Variants in RIOK3 observed in about 807,000 individuals in gnomAD.
The protein encoded by RIOK3 is RIO kinase 3.
Under a neutral mutation model 63.5 loss-of-function variants are expected in RIOK3, and 40 were observed. The ratio of observed to expected loss-of-function variants is 0.63; its 90% CI spans 0.49 to 0.82. The LOEUF (loss-of-function observed/expected upper bound fraction) is 0.82, where lower values mean the gene tolerates loss of function less well. Ranked by LOEUF, RIOK3 falls within the 40% of genes least tolerant of loss-of-function variation. The pLI is 0.00. For synonymous variants in RIOK3, 193 were observed against 205.0 expected (o/e 0.94, Z 0.50); for missense variants, 557 against 637.0 (o/e 0.87, Z 1.35).
chr18:23,457,109 T>C (rs1037951033), intron 1 of RIOK3, among the ~76,000 whole-genome samples: 2 of 152,108 alleles, frequency 1.3e-5, no homozygotes, highest in South Asian at 2.1e-4. Context: ...TAATGTAATA[T>C]TACTATTATG....
At position 23,476,990 on chromosome 18, in the gene RIOK3, C is replaced by T. The variant is rs75709659; in HGVS notation, c.1174-16C>T. On this transcript the variant is annotated splice_polypyrimidine_tract_variant and intron_variant, in intron 9 of 12. Coordinates refer to ENST00000339486, the MANE Select transcript of RIOK3 (RefSeq NM_003831.5). The stretch of plus-strand genomic sequence containing the variant: ...TTAATTATTCATTTCCTAATGTGTG[C>T]CTTCCCTCTTCACAGTTGATGCGGC... 2.9e-3 allele frequency: 4,578 copies of T among 1,605,394 alleles called. 121 individuals carry two copies. The African/African-American group carries it at 0.054, about 19-fold the overall frequency.
Position 23,477,227 on chromosome 18 carries a change from G to A in RIOK3, c.1303G>A (p.Gly435Ser), listed in dbSNP as rs749379172. The A allele has an allele frequency of 1.2e-5, 19 of 1,614,010 alleles. No homozygotes were observed. The highest frequency in any genetic ancestry group is 1.6e-4 in the Middle Eastern group (1 of 6,084). Residue 435 changes from glycine (G) to serine (S), a missense_variant, in exon 11 of 13, where the codon GGC (glycine) becomes AGC (serine). This residue lies in a region of RIOK3 where 309 missense variants were observed against 338.7 expected (regional missense o/e 0.91). Transcript: ENST00000339486. ...GTCAGTAGAACCTACCCACCCTCAC[G>A]GCCTGGAGTTCTTGTTCCGGGACTG... Reference protein sequence around the residue: ...SQSVEPTHPHGLEFLFRDCRN... With the variant: ...SQSVEPTHPHSLEFLFRDCRN...
intron 11 of RIOK3, among the ~76,000 whole-genome samples, chr18:23,477,670 G>A (rs112154606): frequency 5.3e-5 from 8 of 151,794 alleles, no homozygotes; most frequent in Admixed American, 5.3e-4. Flanking sequence ...GGCTGAGGCA[G>A]GAGACTCACT....
chr18:23,463,298 A>G, intron 2 of RIOK3: 1 of 391,126 alleles, frequency 2.6e-6, no homozygotes, highest in South Asian at 5.2e-5. Context: ...TATCGCGTTA[A>G]TGCTGCAGTT....
intron 9 of RIOK3, among the ~76,000 whole-genome samples, chr18:23,476,738 C>A (rs138304400): frequency 6.6e-6 from 1 of 152,106 alleles, no homozygotes; most frequent in East Asian, 1.9e-4. Context: ...GAAACCCCAT[C>A]TCTACTAAAA....
chr18:23,467,207 G>C (rs1190198531), intron 6 of RIOK3, among the ~76,000 whole-genome samples, 192 bp from the exon 7 acceptor site: 1 of 151,870 alleles, frequency 6.6e-6, no homozygotes, highest in African/African-American at 2.4e-5. Flanking sequence ...CCAGCTACTC[G>C]GGAGGCTGAG....
Position 23,475,028 on chromosome 18 carries a change from A to G in RIOK3, c.1094A>G (p.Asp365Gly). 4 of 1,612,950 alleles carry G rather than the reference A, an allele frequency of 2.5e-6. No individual in the cohort carries two copies. The highest frequency in any genetic ancestry group is 3.4e-6 in the Non-Finnish European group (4 of 1,178,970). ...TTAGTTATGTCTTTTATTGGCCATG[A>G]TCAAGTTCCAGCCCCTAAATTAAAA... ...HILVMSFIGH[D>G]QVPAPKLKEV... is the part of the protein sequence containing the mutation. The change falls in exon 9 of 13, where the codon GAT becomes GGT. Residue 365 changes from aspartate to glycine, a missense_variant. Physicochemically the swap from Asp to Gly is moderately conservative, Grantham distance 94 (BLOSUM62 -1). Transcript: ENST00000339486.
intron 1 of RIOK3, among the ~76,000 whole-genome samples, chr18:23,456,970 T>C (rs1020236550): frequency 6.6e-6 from 1 of 152,200 alleles, no homozygotes; most frequent in South Asian, 2.1e-4. Context: ...ATCTACTCTT[T>C]AGAAAATTTT....
In RIOK3 at chr18:23,475,098, A is replaced by G; in HGVS notation, c.1164A>G (p.Gln388=). 6.2e-7 allele frequency: 1 copy of G among 1,610,088 alleles called. No homozygotes were observed. Among genetic ancestry groups the G allele is most frequent in the East Asian group, 2.2e-5 (1 of 44,850 alleles). The part of the protein sequence containing the change: ...NSEEMKEAYY[Q]TLHLMRQLYH... ...AAGAAATGAAAGAAGCCTACTATCA[A>G]ACTCTTCATGTAAGTTGTGCTTTTA... Residue 388 remains glutamine (Q), a synonymous_variant, in exon 9 of 13, where the codon CAA becomes CAG. Coordinates refer to ENST00000339486, the MANE Select transcript of RIOK3 (RefSeq NM_003831.5).
Position 23,477,270 on chromosome 18 carries a change from T to C in RIOK3, c.1344+2T>C, listed in dbSNP as rs1309117425. 4 of 1,613,036 alleles carry C rather than the reference T, an allele frequency of 2.5e-6. No homozygotes were observed. Among genetic ancestry groups the C allele is most frequent in the Non-Finnish European group, 3.4e-6 (4 of 1,178,978 alleles). On this transcript the variant is annotated splice_donor_variant, in intron 11 of 12. Coordinates refer to ENST00000339486, the MANE Select transcript of RIOK3 (RefSeq NM_003831.5). LOFTEE classifies it high-confidence loss of function. ...CGGGACTGCAGGAATGTCTCGCAGGTAGACGTGTAAACCAATATGCCTTTT... is the reference window on the plus strand; with the variant it reads ...CGGGACTGCAGGAATGTCTCGCAGGCAGACGTGTAAACCAATATGCCTTTT...
At chr18:23,464,455 C>G in intron 4 of RIOK3, 64 bp from the exon 5 acceptor site, 3 of 1,221,596 alleles carry the variant, frequency 2.5e-6, no homozygotes, top group Non-Finnish European at 3.5e-6. Context: ...TTTCAGACAA[C>G]GTTGAATGCA....
chr18:23,464,669 G>A, intron 5 of RIOK3, 41 bp downstream of exon 5: 1 of 1,187,898 alleles, frequency 8.4e-7, no homozygotes. Flanking sequence ...TTAGAGTTTT[G>A]TTTGAATACC....
rs1403395590 is a variant in RIOK3, at chr18:23,453,624, C to T, written c.63+122C>T. The stretch of plus-strand genomic sequence containing the variant: ...TTCTGGGGCGGGACCCCGCGGACCT[C>T]GGCAAGGGGGCACTGGCCGCGGGGG... On this transcript the variant is annotated intron_variant, in intron 1 of 12. Coordinates refer to ENST00000339486, the MANE Select transcript of RIOK3 (RefSeq NM_003831.5). 6 of 838,560 alleles carry T rather than the reference C, an allele frequency of 7.2e-6. No individual in the cohort carries two copies. In the African/African-American group the frequency reaches 9.9e-5, roughly 14 times the overall value. 51.9% of individuals were successfully genotyped at this position (838,560 alleles called of 1,614,324 possible).
intron 1 of RIOK3, among the ~76,000 whole-genome samples, chr18:23,454,282 AGTT>A (rs1007686905): frequency 2.6e-4 from 40 of 152,160 alleles, no homozygotes; most frequent in African/African-American, 8.0e-4. Context: ...TTAGCTTCAT[AGTT>A]GTTCTTTACA....
At chr18:23,477,735 C>T (rs957951060) in intron 11 of RIOK3, among the ~76,000 whole-genome samples, 1 of 149,478 alleles carries the variant, frequency 6.7e-6, no homozygotes, top group Non-Finnish European at 1.5e-5. Context: ...TGCACTCCAC[C>T]CAGCCTGGGC....
Position 23,462,967 on chromosome 18 carries a change from C to A in RIOK3, c.67C>A (p.Pro23Thr). Residue 23 changes from proline to threonine, a missense_variant, in exon 2 of 13, where the codon CCA (proline) becomes ACA (threonine). Pro to Thr is a conservative substitution (Grantham distance 38). This residue lies in a region of RIOK3 where 243 missense variants were observed against 275.4 expected (regional missense o/e 0.88). Transcript: ENST00000339486. ...GTTCTTTTTTCTTTTTTCATAGTGT[C>A]CATGGGCTATTCCTCAAAATACAAT... ...TAAAWGPSKC[P>T]WAIPQNTISC... 6.5e-7 allele frequency: 1 copy of A among 1,533,342 alleles called. No homozygotes were observed. Among genetic ancestry groups the A allele is most frequent in the Non-Finnish European group, 8.9e-7 (1 of 1,129,524 alleles). The allele number at this position is 1,533,342 out of a possible 1,614,324, so 95.0% of individuals were successfully genotyped here.
At chr18:23,474,149 A>T (rs969880228) in intron 8 of RIOK3, among the ~76,000 whole-genome samples, 5 of 152,156 alleles carry the variant, frequency 3.3e-5, no homozygotes, top group African/African-American at 1.2e-4. Context: ...TTAAAAGCTT[A>T]ATTTTAGTTT....
chr18:23,477,135 A>G (rs376270241), intron 10 of RIOK3, 44 bp from the exon 11 acceptor site: 11 of 1,611,354 alleles, frequency 6.8e-6, no homozygotes, highest in Non-Finnish European at 9.3e-6. Context: ...TGTAAGTAAA[A>G]TTTAAAATGT....
At chr18:23,459,930 G>A (rs2057363889) in intron 1 of RIOK3, among the ~76,000 whole-genome samples, 1 of 152,182 alleles carries the variant, frequency 6.6e-6, no homozygotes, top group African/African-American at 2.4e-5. Context: ...CTGACCTCAG[G>A]TGATTCGCCT....
Sources: gnomAD v4.1 joint callset for allele counts (sites outside exome capture counted in the v4.1 genomes callset) on GRCh38, gnomAD v4.1.1 for gene constraint, gnomAD v4.1.1 regional missense constraint, MANE v1.5 for transcripts, NCBI Gene and HGNC (gene_info 2026-07-23, HGNC 2026-07-21) for gene names.